The following CACNA2D3 variants were observed in gnomAD, a reference collection of about 807,000 sequenced individuals.
The protein encoded by CACNA2D3 is voltage-dependent calcium channel subunit alpha-2/delta-3.
Under a neutral mutation model 160.6 loss-of-function variants are expected in CACNA2D3, and 60 were observed. The observed-to-expected ratio is 0.37, with a 90% CI of 0.30 to 0.46. CACNA2D3 has a LOEUF of 0.46. CACNA2D3 is among the 20% of genes least tolerant of loss of function. The probability of loss-of-function intolerance (pLI) is 1.00; values close to 1 mark genes in which losing one functional copy is unlikely to be tolerated. For missense variants in CACNA2D3, 1,205 were observed against 1,365.0 expected, an observed-to-expected ratio of 0.88 and a Z score of 1.85; for synonymous variants, 558 against 492.9, an observed-to-expected ratio of 1.13 and a Z score of -1.75.
At chr3:54,928,832 A>G (rs571153395) in intron 27 of CACNA2D3, among the ~76,000 whole-genome samples, 112 of 152,088 alleles carry the variant, frequency 7.4e-4, no homozygotes, top group Non-Finnish European at 1.2e-3. Context: ...CACATATAAA[A>G]CAATAAAGCC....
At chr3:54,305,324 C>G (rs1450130136) in intron 2 of CACNA2D3, among the ~76,000 whole-genome samples, 1 of 152,182 alleles carries the variant, frequency 6.6e-6, no homozygotes, top group Non-Finnish European at 1.5e-5. Context: ...CCCATTAATT[C>G]TACCCTGTGA....
chr3:54,163,363 A>T (rs2107299966), intron 2 of CACNA2D3, among the ~76,000 whole-genome samples: 1 of 152,326 alleles, frequency 6.6e-6, no homozygotes, highest in East Asian at 1.9e-4. Flanking sequence ...CATGACCTTC[A>T]TGAGTTGGCC....
intron 35 of CACNA2D3, among the ~76,000 whole-genome samples, chr3:55,028,910 G>A (rs958585711): frequency 3.3e-5 from 5 of 152,040 alleles, no homozygotes; most frequent in Admixed American, 2.0e-4. Flanking sequence ...TTCTCTCATC[G>A]CTTCTCCCCA....
At chr3:54,824,346 CTCAG>C (rs1559596427) in intron 14 of CACNA2D3, among the ~76,000 whole-genome samples, 1 of 152,170 alleles carries the variant, frequency 6.6e-6, no homozygotes, top group East Asian at 1.9e-4. Flanking sequence ...CAACATGAGC[CTCAG>C]TCAGTAGGTG....
At chr3:55,021,707 ATG>A (rs547342057) in intron 35 of CACNA2D3, among the ~76,000 whole-genome samples, 2 of 137,294 alleles carry the variant, frequency 1.5e-5, no homozygotes, top group African/African-American at 6.2e-5. Flanking sequence ...GTATATATAT[ATG>A]TGTGTGTATA....
At chr3:55,008,481 ACT>A (rs1402467934) in intron 33 of CACNA2D3, among the ~76,000 whole-genome samples, 1 of 152,034 alleles carries the variant, frequency 6.6e-6, no homozygotes, top group East Asian at 1.9e-4. Context: ...GTTGTACCAA[ACT>A]CTCTCATTCT....
At chr3:54,982,228 T>C (rs138200243) in intron 29 of CACNA2D3, among the ~76,000 whole-genome samples, 306 of 152,310 alleles carry the variant, frequency 2.0e-3, no homozygotes, top group Non-Finnish European at 3.3e-3. Flanking sequence ...CGTTCTTAGC[T>C]GAGAGGGACT....
At chr3:54,874,198 A>T (rs1342758791) in intron 18 of CACNA2D3, among the ~76,000 whole-genome samples, 1 of 152,246 alleles carries the variant, frequency 6.6e-6, no homozygotes, top group East Asian at 1.9e-4. Context: ...TAAAATTAAA[A>T]GAAAAAAAGA....
intron 10 of CACNA2D3, chr3:54,638,492 G>C (rs1699429458): frequency 6.6e-6 from 1 of 151,960 alleles, no homozygotes. Flanking sequence ...GAGGAGCAGA[G>C]GCTGAGGAAG....
chr3:54,889,918 G>A (rs1249471080), intron 24 of CACNA2D3, among the ~76,000 whole-genome samples: 2 of 152,164 alleles, frequency 1.3e-5, no homozygotes, highest in African/African-American at 4.8e-5. Flanking sequence ...TTTCCAAAAT[G>A]GTAACTTGCT....
intron 35 of CACNA2D3, among the ~76,000 whole-genome samples, chr3:55,018,856 G>T (rs1267847979): frequency 3.3e-5 from 5 of 151,444 alleles, no homozygotes; most frequent in African/African-American, 1.2e-4. Context: ...ACTGATTTGG[G>T]TGTTCTTTCT....
chr3:54,191,047 CAAAA>C (rs35592309), intron 2 of CACNA2D3, among the ~76,000 whole-genome samples: 11 of 103,568 alleles, frequency 1.1e-4, no homozygotes, highest in Admixed American at 3.0e-4. Flanking sequence ...TAGGTGGAAG[CAAAA>C]AAAAAAAAAA....
At chr3:54,273,278 G>C (rs1342117211) in intron 2 of CACNA2D3, 1 of 152,176 alleles carries the variant, frequency 6.6e-6, no homozygotes, top group African/African-American at 2.4e-5. Context: ...CGTTACTCTT[G>C]GCTGCTGGGC....
chr3:54,536,278 C>T (rs1701887991), intron 5 of CACNA2D3, among the ~76,000 whole-genome samples: 1 of 152,178 alleles, frequency 6.6e-6, no homozygotes, highest in Non-Finnish European at 1.5e-5. Context: ...TAGAGGTGGT[C>T]GTCCTGGGTC....
intron 4 of CACNA2D3, among the ~76,000 whole-genome samples, chr3:54,418,131 T>A (rs1699784296): frequency 6.6e-6 from 1 of 152,156 alleles, no homozygotes; most frequent in South Asian, 2.1e-4. Context: ...TTTGGGTAAT[T>A]TTAAGAACTT....
At chr3:54,849,900 A>G (rs1436161124) in intron 17 of CACNA2D3, among the ~76,000 whole-genome samples, 1 of 152,094 alleles carries the variant, frequency 6.6e-6, no homozygotes, top group Middle Eastern at 3.2e-3. Flanking sequence ...ATATTTTTCT[A>G]ATTTGTCCTA....
intron 5 of CACNA2D3, among the ~76,000 whole-genome samples, chr3:54,537,476 C>T (rs1701907457): frequency 6.6e-6 from 1 of 152,106 alleles, no homozygotes; most frequent in Non-Finnish European, 1.5e-5. Context: ...TGAACACTTA[C>T]TATGGGTCAT....
chr3:54,458,934 C>A lies in CACNA2D3; in HGVS notation c.382-44558C>A, dbSNP rs373946470. Among the ~76,000 whole-genome samples the A allele has an allele frequency of 1.9e-4, 29 of 152,176 alleles. No homozygotes were observed. In the East Asian group the frequency reaches 4.3e-3, roughly 22 times the overall value. On this transcript the variant is annotated intron_variant, in intron 4 of 37. Transcript: ENST00000474759. ...CTATCCCTCCCAACTTCCCCCACCC[C>A]ACAACAGGCCCCAGAGTGTGATGTT...
intron 35 of CACNA2D3, among the ~76,000 whole-genome samples, chr3:55,059,865 C>A (rs962919986): frequency 6.6e-6 from 1 of 152,146 alleles, no homozygotes; most frequent in East Asian, 1.9e-4. Flanking sequence ...CCTCTCCAAC[C>A]GTCCCCAGCC....
Sources: allele counts gnomAD v4.1 joint callset (sites outside exome capture counted in the v4.1 genomes callset), GRCh38; gene constraint gnomAD v4.1.1; transcripts MANE v1.5; gene names NCBI Gene and HGNC (gene_info 2026-07-23, HGNC 2026-07-21).